Variants in SMG6 observed in about 807,000 individuals in gnomAD.
The protein encoded by SMG6 is telomerase-binding protein EST1A.
SMG6 carries 66 observed loss-of-function variants against 142.2 expected under a neutral mutation model. That is an observed-to-expected ratio of 0.46 (90% CI 0.38 to 0.57). The LOEUF (loss-of-function observed/expected upper bound fraction) is 0.57. Among genes scored for constraint, SMG6 ranks in the 20% least tolerant of loss-of-function variants. SMG6 has a pLI of 0.00. For missense variants in SMG6, 1,793 were observed against 1,832.0 expected, an observed-to-expected ratio of 0.98 and a Z score of 0.39; for synonymous variants, 779 against 702.4, an observed-to-expected ratio of 1.11 and a Z score of -1.72.
At chr17:2,196,341 T>A (rs1489308329) in intron 10 of SMG6, among the ~76,000 whole-genome samples, 1 of 152,070 alleles carries the variant, frequency 6.6e-6, no homozygotes, top group African/African-American at 2.4e-5. Context: ...AGCAGGGGAA[T>A]CACTTGAACC....
intron 6 of SMG6, among the ~76,000 whole-genome samples, chr17:2,284,082 A>G (rs1454567175): frequency 6.6e-6 from 1 of 152,216 alleles, no homozygotes; most frequent in Non-Finnish European, 1.5e-5. Flanking sequence ...CTTATCAGAG[A>G]GTCAGTATGC....
chr17:2,088,765 G>C (rs2068634819), intron 13 of SMG6: 3 of 985,228 alleles, frequency 3.0e-6, no homozygotes, highest in Non-Finnish European at 3.6e-6. Flanking sequence ...AATGTCCAGG[G>C]CTTGCCCAGA....
At chr17:2,233,810 C>T (rs979950244) in intron 10 of SMG6, among the ~76,000 whole-genome samples, 1 of 152,140 alleles carries the variant, frequency 6.6e-6, no homozygotes, top group Non-Finnish European at 1.5e-5. Context: ...CCAGCCCTGC[C>T]GAGCACTCTG....
intron 12 of SMG6, among the ~76,000 whole-genome samples, chr17:2,183,745 G>GACACACAC (rs56210030): frequency 1.4e-4 from 21 of 146,448 alleles, no homozygotes; most frequent in Admixed American, 7.6e-4. Context: ...AGGTGCGTGC[G>GACACACAC]ACACACACAC....
chr17:2,258,028 A>AT (rs1260585332), intron 8 of SMG6, among the ~76,000 whole-genome samples: 4,419 of 107,280 alleles, frequency 0.041, 270 homozygotes, highest in Non-Finnish European at 0.069. Context: ...AAAAAAAAAA[A>AT]AAAAAAATAT....
chr17:2,101,292 G>C (rs1239622035), intron 13 of SMG6: 5 of 151,958 alleles, frequency 3.3e-5, no homozygotes, highest in African/African-American at 1.2e-4. Flanking sequence ...TGTAGAGATG[G>C]GGCCTCGCTA....
chr17:2,084,601 T>A (rs2068506943), intron 14 of SMG6, among the ~76,000 whole-genome samples: 1 of 152,202 alleles, frequency 6.6e-6, no homozygotes, highest in Non-Finnish European at 1.5e-5. Flanking sequence ...ACATCTGGCT[T>A]CCTTGGCCTG....
At chr17:2,258,569 A>G (rs1178845863) in intron 8 of SMG6, among the ~76,000 whole-genome samples, 1 of 151,632 alleles carries the variant, frequency 6.6e-6, no homozygotes. Context: ...AAAAAAAAAA[A>G]AAAAGGCAAC....
intron 9 of SMG6, among the ~76,000 whole-genome samples, chr17:2,238,161 C>T (rs2073714243): frequency 6.6e-6 from 1 of 152,216 alleles, no homozygotes; most frequent in South Asian, 2.1e-4. Flanking sequence ...ACTCCTTGCA[C>T]TTGGATGGCA....
intron 13 of SMG6, among the ~76,000 whole-genome samples, chr17:2,121,583 CTGTCTGTGTGTGTGTGTGTGTGTG>C (rs1345444176): frequency 1.3e-4 from 15 of 118,200 alleles, no homozygotes; most frequent in African/African-American, 3.9e-4. Context: ...ATGTACATGT[CTGTCTGTGTGTGTGTGTGTGTGTG>C]TGTGTGTGTG....
intron 9 of SMG6, among the ~76,000 whole-genome samples, chr17:2,243,952 C>T (rs982865391): frequency 2.6e-5 from 4 of 152,198 alleles, no homozygotes; most frequent in African/African-American, 9.7e-5. Flanking sequence ...CATCCATCTG[C>T]TCTGGCGTGT....
At chr17:2,190,546 G>A (rs2072127811) in intron 10 of SMG6, among the ~76,000 whole-genome samples, 1 of 152,256 alleles carries the variant, frequency 6.6e-6, no homozygotes, top group Non-Finnish European at 1.5e-5. Context: ...AGAGTTCAAG[G>A]TGGGGGCTAG....
At chr17:2,231,744 A>G (rs2073502195) in intron 10 of SMG6, among the ~76,000 whole-genome samples, 2 of 150,276 alleles carry the variant, frequency 1.3e-5, no homozygotes, top group Admixed American at 1.3e-4. Flanking sequence ...AATGAAAGGA[A>G]TGCCAGTCAG....
In SMG6 at chr17:2,292,483, T is replaced by C. The variant is rs2075059364; in HGVS notation, c.2337+69A>G. ...GATGAAATGAAGCTCCAGGAACTGA[T>C]ATTATCAAACTCCATATTGTAAGAT... On this transcript the variant is annotated intron_variant, in intron 6 of 18. Transcript: ENST00000263073. 3.5e-6 allele frequency: 5 copies of C among 1,438,570 alleles called. No homozygotes were observed. In the South Asian group the frequency reaches 5.8e-5, roughly 17 times the overall value. 89.1% of individuals were successfully genotyped at this position (1,438,570 alleles called of 1,614,324 possible).
At position 2,065,653 on chromosome 17, in the gene SMG6, T is replaced by G. The variant is rs754298702; in HGVS notation, c.3862A>C (p.Lys1288Gln). Residue 1288 changes from lysine to glutamine, a missense_variant, in exon 17 of 19, where the codon AAG becomes CAG. Transcript: ENST00000263073. ...IVINELDGLA[K>Q]GQETDHRAGG... ...GCCCGGTGGTCTGTCTCCTGCCCCT[T>G]GGCCAGGCCGTCCAGCTCATTGATC... The G allele has an allele frequency of 6.2e-7, 1 of 1,613,350 alleles. No individual in the cohort carries two copies. The highest frequency in any genetic ancestry group is 8.5e-7 in the Non-Finnish European group (1 of 1,179,982).
intron 13 of SMG6, among the ~76,000 whole-genome samples, chr17:2,161,769 T>C (rs2071186309): frequency 6.6e-6 from 1 of 152,156 alleles, no homozygotes; most frequent in Non-Finnish European, 1.5e-5. Flanking sequence ...TTCTAGACTT[T>C]GAGGTGCTTT....
chr17:2,257,809 C>T (rs1456641547), intron 8 of SMG6, among the ~76,000 whole-genome samples: 6 of 151,156 alleles, frequency 4.0e-5, no homozygotes, highest in Non-Finnish European at 7.4e-5. Context: ...ATCAAGAGCT[C>T]GAGACCAGCC....
chr17:2,208,241 C>T (rs2072747419), intron 10 of SMG6, among the ~76,000 whole-genome samples: 1 of 152,092 alleles, frequency 6.6e-6, no homozygotes, highest in Admixed American at 6.6e-5. Flanking sequence ...ATTCTCCTAC[C>T]CCCACTCTCC....
At chr17:2,127,399 C>T (rs541413165) in intron 13 of SMG6, 8 of 678,968 alleles carry the variant, frequency 1.2e-5, no homozygotes, top group Admixed American at 1.9e-5. Context: ...AAATCCTTTT[C>T]CCCCCCTCTT....
Sources: allele counts gnomAD v4.1 joint callset (sites outside exome capture counted in the v4.1 genomes callset), GRCh38; gene constraint gnomAD v4.1.1; transcripts MANE v1.5; gene names NCBI Gene and HGNC (gene_info 2026-07-23, HGNC 2026-07-21).